TLL2: variants seen among roughly 807,000 people sequenced by gnomAD.
The protein encoded by TLL2 is tolloid-like protein 2.
In TLL2, 106 loss-of-function variants were observed where a neutral mutation model predicts 123.0. That is an observed-to-expected ratio of 0.86 (90% CI 0.74 to 1.01). The LOEUF is 1.01. TLL2 is among the 50% of genes least tolerant of loss of function. TLL2 has a pLI of 0.00. For missense variants in TLL2, 1,332 were observed against 1,336.7 expected (o/e 1.00, Z 0.06); for synonymous variants, 494 against 516.8 (o/e 0.96, Z 0.60).
At chr10:96,405,432 A>G in intron 9 of TLL2, 98 bp from the exon 10 acceptor site, 1 of 1,121,956 alleles carries the variant, frequency 8.9e-7, no homozygotes, top group Non-Finnish European at 1.3e-6. Flanking sequence ...ACCCTTTAGC[A>G]TGCAGAACTT....
chr10:96,493,677 C>T (rs942893155), intron 1 of TLL2, among the ~76,000 whole-genome samples: 2 of 152,104 alleles, frequency 1.3e-5, no homozygotes, highest in Admixed American at 6.5e-5. Flanking sequence ...TCAGGAGTCC[C>T]TCATTCTGGT....
chr10:96,429,903 T>C (rs1451480998), intron 4 of TLL2, among the ~76,000 whole-genome samples: 3 of 152,164 alleles, frequency 2.0e-5, no homozygotes, highest in African/African-American at 7.2e-5. Flanking sequence ...CAGTTACGTA[T>C]AGTCAGTCAG....
intron 3 of TLL2, among the ~76,000 whole-genome samples, chr10:96,439,830 C>T (rs773668485): frequency 1.3e-4 from 20 of 152,134 alleles, no homozygotes; most frequent in Non-Finnish European, 2.2e-4. Context: ...AAACCCAACC[C>T]GCAGATGTGT....
chr10:96,410,264 A>C, intron 9 of TLL2, 95 bp downstream of exon 9: 17 of 837,132 alleles, frequency 2.0e-5, no homozygotes, highest in Non-Finnish European at 2.9e-5. Flanking sequence ...TTATAACCGA[A>C]CAGCTGTTAT....
chr10:96,373,990 G>A (rs568065684), intron 18 of TLL2, 181 bp from the exon 19 acceptor site: 13 of 602,428 alleles, frequency 2.2e-5, no homozygotes, highest in African/African-American at 1.1e-4. Context: ...CTCAACCTCC[G>A]CCTTGCTTTT....
At chr10:96,484,624 CA>C (rs1847340833) in intron 1 of TLL2, among the ~76,000 whole-genome samples, 2 of 149,122 alleles carry the variant, frequency 1.3e-5, no homozygotes, top group Non-Finnish European at 3.0e-5. Flanking sequence ...CACACACACA[CA>C]CACACCATGG....
In TLL2 at chr10:96,469,665, C is replaced by A. The variant is rs148480080; in HGVS notation, c.286+10684G>T. On this transcript the variant is annotated intron_variant, in intron 2 of 20. Transcript: ENST00000357947. ...TTGATCCCAGATCCCACCCTCCAAT[C>A]TGACCCATTCCTCCAGTGCTCCCAG... is the stretch of plus-strand genomic sequence containing the variant. Among the ~76,000 whole-genome samples the A allele has an allele frequency of 3.9e-3, 565 of 146,138 alleles. 5 individuals carry two copies. The highest frequency in any genetic ancestry group is 0.013 in the African/African-American group (513 of 40,262).
chr10:96,513,560 C>G lies in TLL2; in HGVS notation c.126G>C (p.Glu42Asp), dbSNP rs1269935500. The change falls in exon 1 of 21, where the codon GAG (glutamate) becomes GAC (aspartate). Residue 42 changes from glutamate (E) to aspartate (D), a missense_variant. Coordinates refer to ENST00000357947, the MANE Select transcript of TLL2 (RefSeq NM_012465.4). ...GCTCCAGCTGCTGCTCCGTGCCCTC[C>G]TCGCCGTCCAGCTCTGAGTAGTCTG... ...ATADYSELDG[E>D]EGTEQQLEHY... The G allele has an allele frequency of 4.3e-6, 7 of 1,611,930 alleles. No homozygotes were observed. The highest frequency in any genetic ancestry group is 5.9e-6 in the Non-Finnish European group (7 of 1,179,826).
chr10:96,369,052 C>G (rs12266884), intron 20 of TLL2, among the ~76,000 whole-genome samples: 8,443 of 152,252 alleles, frequency 0.055, 468 homozygotes, highest in African/African-American at 0.14. Context: ...AGCACAAGGA[C>G]CACTGGTGAC....
chr10:96,415,428 C>T (rs1239067667), intron 7 of TLL2, among the ~76,000 whole-genome samples: 3 of 151,998 alleles, frequency 2.0e-5, no homozygotes, highest in African/African-American at 7.3e-5. Context: ...TCATTCCCTG[C>T]TCTGGGTCTT....
chr10:96,393,287 CA>C (rs1287142956), intron 13 of TLL2, among the ~76,000 whole-genome samples: 1 of 152,230 alleles, frequency 6.6e-6, no homozygotes, highest in Non-Finnish European at 1.5e-5. Context: ...CAGTCCATCA[CA>C]ATAGCCAGAA....
rs767110727 is a variant in TLL2 at position 96,373,758 on chromosome 10, G to C, written c.2500C>G (p.Leu834Val). The stretch of plus-strand genomic sequence containing the variant: ...CTGTCCGGCCCGTCATACATTTCCA[G>C]GTGGTCATAGGCACATTCCTGGTGC... ...EQHQECAYDH[L>V]EMYDGPDSLA... The change falls in exon 19 of 21, where the codon CTG becomes GTG. Residue 834 changes from leucine (L) to valine (V), a missense_variant. Coordinates refer to ENST00000357947, the MANE Select transcript of TLL2 (RefSeq NM_012465.4). The C allele has an allele frequency of 1.9e-6, 3 of 1,614,120 alleles. No individual in the cohort carries two copies. The highest frequency in any genetic ancestry group is 3.3e-5 in the Admixed American group (2 of 60,010).
Position 96,428,641 on chromosome 10 carries a change from T to C in TLL2, c.628A>G (p.Arg210Gly), listed in dbSNP as rs1266457025. Residue 210 changes from arginine to glycine, a missense_variant, in exon 5 of 21, where the codon AGA becomes GGA. Physicochemically the swap from Arg to Gly is moderately radical, Grantham distance 125. Transcript: ENST00000357947. The stretch of plus-strand genomic sequence containing the variant: ...CTTTCGTTTACTTACCCACAGGTTC[T>C]GTAACTGAATACAATAAAGCTTTCC... ...DEESFIVFSY[R>G]TCGCCSYVGR... 1 of 1,612,570 alleles carries C rather than the reference T, an allele frequency of 6.2e-7. No homozygotes were observed. The highest frequency in any genetic ancestry group is 8.5e-7 in the Non-Finnish European group (1 of 1,178,712).
At chr10:96,483,600 C>G (rs937031184) in intron 1 of TLL2, among the ~76,000 whole-genome samples, 1 of 152,096 alleles carries the variant, frequency 6.6e-6, no homozygotes, top group African/African-American at 2.4e-5. Flanking sequence ...GGAGTCACAT[C>G]CTGACTTAGT....
intron 13 of TLL2, among the ~76,000 whole-genome samples, chr10:96,390,575 C>T (rs1437965104): frequency 6.6e-6 from 1 of 152,266 alleles, no homozygotes; most frequent in Non-Finnish European, 1.5e-5. Context: ...CTGGGCAGAG[C>T]ACCTGCCAAT....
At position 96,373,251 on chromosome 10, in the gene TLL2, C is replaced by T. The variant is rs576521436; in HGVS notation, c.2662+345G>A. 12 of 269,540 alleles carry T rather than the reference C, an allele frequency of 4.5e-5. No homozygotes were observed. The South Asian group carries it at 4.9e-4, about 11-fold the overall frequency. 16.7% of individuals were successfully genotyped at this position (269,540 alleles called of 1,614,324 possible). On this transcript the variant is annotated intron_variant, in intron 19 of 20. Coordinates refer to ENST00000357947, the MANE Select transcript of TLL2 (RefSeq NM_012465.4). ...TCTGCCTCCAGGTTCAAGCAATTCTCCTGCCTCAGCCTCCTGAGTAGCTGG... is the reference window on the plus strand; with the variant it reads ...TCTGCCTCCAGGTTCAAGCAATTCTTCTGCCTCAGCCTCCTGAGTAGCTGG...
At chr10:96,419,940 CT>C (rs140089501) in intron 7 of TLL2, among the ~76,000 whole-genome samples, 1,768 of 152,340 alleles carry the variant, frequency 0.012, 35 homozygotes, top group African/African-American at 0.04. Flanking sequence ...TTGCTGCCAA[CT>C]CTAACCAAGT....
chr10:96,506,195 C>T (rs766989299), intron 1 of TLL2, among the ~76,000 whole-genome samples: 5 of 124,570 alleles, frequency 4.0e-5, no homozygotes, highest in Non-Finnish European at 1.6e-5. Context: ...GAGGTTGTAG[C>T]GAGCTGAGAT....
At chr10:96,405,488 A>T (rs186844715) in intron 9 of TLL2, among the ~76,000 whole-genome samples, 154 bp from the exon 10 acceptor site, 24 of 152,290 alleles carry the variant, frequency 1.6e-4, no homozygotes, top group African/African-American at 5.8e-4. Context: ...CTCACAGGAA[A>T]CCTAAGGACA....
Sources: allele counts gnomAD v4.1 joint callset (sites outside exome capture counted in the v4.1 genomes callset), GRCh38; gene constraint gnomAD v4.1.1; transcripts MANE v1.5; gene names NCBI Gene and HGNC (gene_info 2026-07-23, HGNC 2026-07-21).